ZNF91: variants seen among roughly 807,000 people sequenced by gnomAD.
ZNF91 encodes the protein zinc finger protein 91 (HPF7, HTF10).
In ZNF91, 7 loss-of-function variants were observed where a neutral mutation model predicts 12.6. That is an observed-to-expected ratio of 0.55 (90% CI 0.31 to 1.04). The LOEUF is 1.04. Among genes scored for constraint, ZNF91 ranks in the 50% least tolerant of loss-of-function variants. ZNF91 has a pLI of 0.05. For missense variants in ZNF91, 1,217 were observed against 1,385.4 expected, an observed-to-expected ratio of 0.88 and a Z score of 1.93; for synonymous variants, 453 against 462.6, an observed-to-expected ratio of 0.98 and a Z score of 0.27.
chr19:23,370,111 T>C (rs1339047889), intron 3 of ZNF91, among the ~76,000 whole-genome samples: 1 of 152,030 alleles, frequency 6.6e-6, no homozygotes, highest in Non-Finnish European at 1.5e-5. Flanking sequence ...TAAATGTACT[T>C]TAAATAAAAT....
chr19:23,341,055 ATTT>A (rs199646954), intron 3 of ZNF91, among the ~76,000 whole-genome samples: 4 of 138,594 alleles, frequency 2.9e-5, no homozygotes, highest in Non-Finnish European at 3.1e-5. Context: ...TAAAACTGCC[ATTT>A]TTTTTTTTTT....
intron 1 of ZNF91, among the ~76,000 whole-genome samples, chr19:23,394,798 G>T (rs1167202755): frequency 3.9e-5 from 6 of 152,274 alleles, no homozygotes; most frequent in African/African-American, 1.4e-4. Flanking sequence ...TCTTTACCAT[G>T]AACCTTATAA....
chr19:23,319,113 G>A (rs1226802348), intron 1 of ZNF91, among the ~76,000 whole-genome samples: 7 of 152,154 alleles, frequency 4.6e-5, no homozygotes, highest in Non-Finnish European at 1.0e-4. Context: ...CCTTCACTCA[G>A]TGAGTACTGT....
chr19:23,327,216 T>G (rs999337861), intron 1 of ZNF91: 1 of 152,128 alleles, frequency 6.6e-6, no homozygotes. Context: ...TACTTGATAA[T>G]AATTGATTAT....
chr19:23,322,276 T>C (rs1018196834), intron 1 of ZNF91, among the ~76,000 whole-genome samples: 1 of 152,136 alleles, frequency 6.6e-6, no homozygotes, highest in African/African-American at 2.4e-5. Flanking sequence ...TCTCAGAAAG[T>C]ATTGTGATGT....
chr19:23,390,866 T>G (rs1033466100), intron 1 of ZNF91, among the ~76,000 whole-genome samples: 1 of 152,240 alleles, frequency 6.6e-6, no homozygotes, highest in Non-Finnish European at 1.5e-5. Flanking sequence ...GCATGAGCCA[T>G]TGTGCCTGAT....
In ZNF91 at chr19:23,361,756, C is replaced by A. The variant is rs1968783984; in HGVS notation, c.1223G>T (p.Cys408Phe). The part of the protein sequence containing the change: ...IIHAGEKLYK[C>F]EECGKAFNRS... ...ATTAAAAGCTTTGCCACATTCTTCACATTTGTAGAGTTTCTCTCCAGCATG... is the reference window on the plus strand; with the variant it reads ...ATTAAAAGCTTTGCCACATTCTTCAAATTTGTAGAGTTTCTCTCCAGCATG... Residue 408 changes from cysteine to phenylalanine, a missense_variant, in exon 4 of 4, where the codon TGT becomes TTT. Physicochemically the swap from Cys to Phe is radical, Grantham distance 205. Coordinates refer to ENST00000300619, the MANE Select transcript of ZNF91 (RefSeq NM_003430.4). The A allele has an allele frequency of 6.2e-7, 1 of 1,610,944 alleles. No individual in the cohort carries two copies. The highest frequency in any genetic ancestry group is 1.1e-5 in the South Asian group (1 of 90,944).
chr19:23,348,047 A>T (rs1968273698), intron 3 of ZNF91, among the ~76,000 whole-genome samples: 1 of 152,132 alleles, frequency 6.6e-6, no homozygotes, highest in African/African-American at 2.4e-5. Context: ...CAGACAAATT[A>T]CCCAAGGCAT....
chr19:23,320,293 C>G (rs146386292), intron 1 of ZNF91, among the ~76,000 whole-genome samples: 1 of 152,142 alleles, frequency 6.6e-6, no homozygotes, highest in Non-Finnish European at 1.5e-5. Context: ...TAGACTGACA[C>G]GTACAATCAT....
chr19:23,374,748 C>A lies in ZNF91; in HGVS notation c.47G>T (p.Arg16Met). ...CGGAGAGAATTCTATGGCCACATCC[C>A]TAAATGTCAACAGTCCCTGAAAAAC... is the stretch of plus-strand genomic sequence containing the variant. ...GSLEMGLLTF[R>M]DVAIEFSPEE... The change falls in exon 2 of 4, where the codon AGG becomes ATG. Residue 16 changes from arginine to methionine, a missense_variant. This residue lies in a region of ZNF91 where 726 missense variants were observed against 895.5 expected (regional missense o/e 0.81). Coordinates refer to ENST00000300619, the MANE Select transcript of ZNF91 (RefSeq NM_003430.4). The A allele has an allele frequency of 6.2e-7, 1 of 1,611,462 alleles. No homozygotes were observed. The highest frequency in any genetic ancestry group is 2.2e-5 in the East Asian group (1 of 44,770).
At position 23,360,308 on chromosome 19, in the gene ZNF91, ATGC is replaced by A; in HGVS notation, c.2668_2670del (p.Ala890del). 1 of 1,613,794 alleles carries A rather than the reference ATGC, an allele frequency of 6.2e-7. No homozygotes were observed. The highest frequency in any genetic ancestry group is 1.7e-5 in the Admixed American group (1 of 60,018). On this transcript the variant is annotated inframe_deletion, in exon 4 of 4. Coordinates refer to ENST00000300619, the MANE Select transcript of ZNF91 (RefSeq NM_003430.4). ...TCAGTAAGGGTTGAGGACCAGATAA[ATGC>A]TTTGTCACATTCTTCACTCTTGGAA...
intron 3 of ZNF91, among the ~76,000 whole-genome samples, chr19:23,370,026 AC>A (rs1204784180): frequency 6.6e-6 from 1 of 150,802 alleles, no homozygotes; most frequent in African/African-American, 2.4e-5. Flanking sequence ...AAAGCAAAAA[AC>A]AAACAAACAA....
At chr19:23,337,014 G>C (rs184512631), downstream of ZNF91, among the ~76,000 whole-genome samples, 1 of 152,150 alleles carries the variant, frequency 6.6e-6, no homozygotes, top group African/African-American at 2.4e-5. Flanking sequence ...TGTGTTGGGT[G>C]CAAGTATAAT....
At chr19:23,381,462 C>CTTT (rs201511156) in intron 1 of ZNF91, among the ~76,000 whole-genome samples, 1 of 137,746 alleles carries the variant, frequency 7.3e-6, no homozygotes, top group Non-Finnish European at 1.6e-5. Context: ...TTTTCTTTCT[C>CTTT]TTTTTTTTTT....
intron 1 of ZNF91, chr19:23,326,463 G>A (rs1967839783): frequency 1.3e-5 from 2 of 152,078 alleles, no homozygotes; most frequent in East Asian, 1.9e-4. Context: ...AAGTAGCTCC[G>A]ATTACAGGCA....
At chr19:23,363,676 C>T (rs1367286305) in intron 3 of ZNF91, among the ~76,000 whole-genome samples, 1 of 151,698 alleles carries the variant, frequency 6.6e-6, no homozygotes, top group Admixed American at 6.6e-5. Flanking sequence ...TATGATGCCA[C>T]CAAAATATTA....
chr19:23,319,001 G>A (rs1011710269), intron 1 of ZNF91, among the ~76,000 whole-genome samples: 20 of 152,170 alleles, frequency 1.3e-4, no homozygotes, highest in South Asian at 6.2e-4. Flanking sequence ...TTATGTGACA[G>A]GTTATGTGAC....
chr19:23,335,478 T>A (rs1187709813), downstream of ZNF91, among the ~76,000 whole-genome samples: 3 of 152,168 alleles, frequency 2.0e-5, no homozygotes, highest in African/African-American at 7.2e-5. Context: ...TCCAACCAAT[T>A]CAAACTTCCC....
chr19:23,382,566 C>G (rs769174524), intron 1 of ZNF91, among the ~76,000 whole-genome samples: 1 of 152,128 alleles, frequency 6.6e-6, no homozygotes, highest in Non-Finnish European at 1.5e-5. Context: ...CTAAAAATAA[C>G]ATAACATACA....
Sources: allele counts gnomAD v4.1 joint callset (sites outside exome capture counted in the v4.1 genomes callset), GRCh38; gene constraint gnomAD v4.1.1; regional missense constraint gnomAD v4.1.1; transcripts MANE v1.5; gene names NCBI Gene and HGNC (gene_info 2026-07-23, HGNC 2026-07-21).